The following CMTM8 variants were observed in gnomAD, a reference collection of about 807,000 sequenced individuals.
CMTM8 encodes the protein CKLF like MARVEL transmembrane domain containing 8.
Under a neutral mutation model 18.6 loss-of-function variants are expected in CMTM8, and 12 were observed. The ratio of observed to expected loss-of-function variants is 0.65; its 90% CI spans 0.41 to 1.05. The LOEUF (loss-of-function observed/expected upper bound fraction) is 1.05, where lower values mean the gene tolerates loss of function less well. Among genes scored for constraint, CMTM8 ranks in the 50% least tolerant of loss-of-function variants. CMTM8 has a pLI of 0.00. For missense variants in CMTM8, 217 were observed against 227.2 expected (o/e 0.95, Z 0.29); for synonymous variants, 87 against 90.6 (o/e 0.96, Z 0.23).
rs183740076 is a variant in CMTM8, at chr3:32,327,877, C to T, written c.148-29496C>T. ...ATGAGAACCCATGAATACATATATA[C>T]ATTTGTATGCTATAAGGGTATGTGA... On this transcript the variant is annotated intron_variant, in intron 1 of 3. Coordinates refer to ENST00000307526, the MANE Select transcript of CMTM8 (RefSeq NM_178868.5). Among the ~76,000 whole-genome samples the T allele has an allele frequency of 2.8e-3, 421 of 152,258 alleles. 2 individuals are homozygous for T. Among genetic ancestry groups the T allele is most frequent in the Middle Eastern group, 0.014 (4 of 294 alleles).
intron 1 of CMTM8, 91 bp from the exon 2 acceptor site, chr3:32,357,282 A>T: frequency 1.1e-6 from 1 of 920,618 alleles, no homozygotes; most frequent in Non-Finnish European, 1.7e-6. Context: ...GACATTCTGT[A>T]TAATTATTTT....
At chr3:32,255,935 C>G (rs1344860472) in intron 1 of CMTM8, among the ~76,000 whole-genome samples, 1 of 152,046 alleles carries the variant, frequency 6.6e-6, no homozygotes, top group East Asian at 1.9e-4. Context: ...GCCGCATTGC[C>G]CAGTCTGGTC....
intron 1 of CMTM8, chr3:32,259,540 A>G (rs1191903813): frequency 1.3e-6 from 1 of 799,618 alleles, no homozygotes; most frequent in East Asian, 2.4e-5. Flanking sequence ...AGCTGGAGAC[A>G]GAGATCGAGG....
Position 32,322,964 on chromosome 3 carries a change from GGGATGCT to G in CMTM8, c.148-34407_148-34401del, listed in dbSNP as rs1324210224. ...TGGCTTGGGCGGGGTGGGACCTCAT[GGGATGCT>G]GTATAGGCTCTCTCCATAGACCCTG... On this transcript the variant is annotated intron_variant, in intron 1 of 3. Coordinates refer to ENST00000307526, the MANE Select transcript of CMTM8 (RefSeq NM_178868.5). Among the ~76,000 whole-genome samples the G allele has an allele frequency of 4.6e-5, 7 of 152,292 alleles. 1 individual carries two copies. The highest frequency in any genetic ancestry group is 2.6e-4 in the Admixed American group (4 of 15,294).
intron 1 of CMTM8, among the ~76,000 whole-genome samples, chr3:32,307,209 G>A (rs1695731363): frequency 6.6e-6 from 1 of 152,196 alleles, no homozygotes; most frequent in African/African-American, 2.4e-5. Context: ...GCATGGTTGT[G>A]GATGCCTGTA....
At chr3:32,238,459 G>A (rs1207649642), upstream of CMTM8, 2 of 152,440 alleles carry the variant, frequency 1.3e-5, no homozygotes, top group Non-Finnish European at 2.9e-5. Context: ...TAAAGGCCGG[G>A]AGGGGGAGCG....
At chr3:32,261,593 C>T (rs1702259519) in intron 1 of CMTM8, among the ~76,000 whole-genome samples, 2 of 152,110 alleles carry the variant, frequency 1.3e-5, no homozygotes, top group African/African-American at 2.4e-5. Flanking sequence ...TAGGAAGGTG[C>T]CCGTACTTTT....
intron 1 of CMTM8, among the ~76,000 whole-genome samples, chr3:32,262,805 G>T (rs1702275070): frequency 6.6e-6 from 1 of 152,096 alleles, no homozygotes; most frequent in East Asian, 1.9e-4. Context: ...TCCAAATATT[G>T]TACATTAATT....
At chr3:32,342,890 G>A (rs1696527220) in intron 1 of CMTM8, among the ~76,000 whole-genome samples, 1 of 152,196 alleles carries the variant, frequency 6.6e-6, no homozygotes, top group Admixed American at 6.5e-5. Context: ...CACCCTAGGA[G>A]GGAAGCCTCT....
intron 1 of CMTM8, among the ~76,000 whole-genome samples, chr3:32,356,627 G>A (rs1408812372): frequency 6.6e-6 from 1 of 152,190 alleles, no homozygotes; most frequent in East Asian, 1.9e-4. Context: ...TCTTCTGAAA[G>A]CTGTCTCAGA....
At chr3:32,272,217 T>A (rs544156606) in intron 1 of CMTM8, among the ~76,000 whole-genome samples, 18 of 152,154 alleles carry the variant, frequency 1.2e-4, no homozygotes, top group Admixed American at 2.0e-4. Flanking sequence ...ATTCTTTTTT[T>A]AAATTTAGCT....
At chr3:32,362,849 G>A (rs904681212) in intron 2 of CMTM8, among the ~76,000 whole-genome samples, 3 of 152,104 alleles carry the variant, frequency 2.0e-5, no homozygotes, top group Admixed American at 6.6e-5. Flanking sequence ...GAACCTACAG[G>A]CCTAAGTCCC....
intron 1 of CMTM8, among the ~76,000 whole-genome samples, chr3:32,296,892 T>C (rs1350614826): frequency 6.6e-6 from 1 of 152,102 alleles, no homozygotes; most frequent in Non-Finnish European, 1.5e-5. Context: ...ACATGGCCAG[T>C]AGAGGGCAGC....
chr3:32,359,784 C>T (rs1444142015), intron 2 of CMTM8, among the ~76,000 whole-genome samples: 1 of 152,142 alleles, frequency 6.6e-6, no homozygotes, highest in Non-Finnish European at 1.5e-5. Context: ...TGCCTTCTTC[C>T]GGCACCCCTG....
chr3:32,317,341 A>G (rs534915895), intron 1 of CMTM8, among the ~76,000 whole-genome samples: 26 of 152,346 alleles, frequency 1.7e-4, no homozygotes, highest in Admixed American at 1.5e-3. Flanking sequence ...TTACTTTTCT[A>G]AAGTAAATTC....
chr3:32,294,737 A>T (rs1473435793), intron 1 of CMTM8, among the ~76,000 whole-genome samples: 1 of 152,170 alleles, frequency 6.6e-6, no homozygotes, highest in African/African-American at 2.4e-5. Flanking sequence ...GCAGTGAATA[A>T]AGATATTGTG....
intron 2 of CMTM8, among the ~76,000 whole-genome samples, chr3:32,359,466 T>C (rs1486172151): frequency 6.6e-6 from 1 of 152,186 alleles, no homozygotes; most frequent in Non-Finnish European, 1.5e-5. Context: ...GGCACATGCC[T>C]GTAATCCCAG....
At chr3:32,297,415 G>C (rs1702900225) in intron 1 of CMTM8, among the ~76,000 whole-genome samples, 1 of 152,164 alleles carries the variant, frequency 6.6e-6, no homozygotes, top group African/African-American at 2.4e-5. Flanking sequence ...CCTGACCTCA[G>C]GTGATCCACC....
chr3:32,304,413 G>A (rs1250957573), intron 1 of CMTM8, among the ~76,000 whole-genome samples: 3 of 152,172 alleles, frequency 2.0e-5, no homozygotes, highest in South Asian at 2.1e-4. Flanking sequence ...TGGCATGGGG[G>A]AAAGGAAAAG....
Sources: gnomAD v4.1 joint callset for allele counts (sites outside exome capture counted in the v4.1 genomes callset) on GRCh38, gnomAD v4.1.1 for gene constraint, MANE v1.5 for transcripts, NCBI Gene and HGNC (gene_info 2026-07-23, HGNC 2026-07-21) for gene names.